ABCC8: variants seen among roughly 807,000 people sequenced by gnomAD.
ABCC8 encodes the protein ATP-binding cassette sub-family C member 8.
A neutral mutation model predicts 188.0 loss-of-function variants in ABCC8; 137 were observed. The ratio of observed to expected loss-of-function variants is 0.73; its 90% CI spans 0.63 to 0.84. The LOEUF (loss-of-function observed/expected upper bound fraction) is 0.84. Among genes scored for constraint, ABCC8 ranks in the 40% least tolerant of loss-of-function variants. The pLI, the probability that ABCC8 is intolerant of heterozygous loss-of-function variation, is 0.00. For missense variants in ABCC8, 1,750 were observed against 2,072.7 expected, an observed-to-expected ratio of 0.84 and a Z score of 3.02; for synonymous variants, 797 against 846.5, an observed-to-expected ratio of 0.94 and a Z score of 1.01.
At chr11:17,426,486 G>A (rs558338859) in intron 16 of ABCC8, among the ~76,000 whole-genome samples, 7 of 152,190 alleles carry the variant, frequency 4.6e-5, no homozygotes, top group East Asian at 3.8e-4. Flanking sequence ...TAACAGATTC[G>A]TGATTGACTG....
At chr11:17,473,203 C>T (rs1158279236) in intron 2 of ABCC8, among the ~76,000 whole-genome samples, 1 of 152,048 alleles carries the variant, frequency 6.6e-6, no homozygotes, top group African/African-American at 2.4e-5. Flanking sequence ...TTCTCTGTCA[C>T]CATCTGGTGA....
At chr11:17,432,283 C>T (rs1955884089) in intron 10 of ABCC8, 39 bp from the exon 11 acceptor site, 15 of 1,551,718 alleles carry the variant, frequency 9.7e-6, no homozygotes, top group Non-Finnish European at 1.2e-5. Context: ...GTGGGAGGAG[C>T]GTGACAGCTA....
intron 33 of ABCC8, chr11:17,396,669 C>A (rs1168620165): frequency 3.7e-6 from 2 of 547,444 alleles, no homozygotes; most frequent in South Asian, 2.0e-5. Flanking sequence ...CTGGGGGAGT[C>A]CAGAGTGTCG....
intron 8 of ABCC8, among the ~76,000 whole-genome samples, chr11:17,443,802 A>AT (rs1454438351): frequency 6.6e-6 from 1 of 152,100 alleles, no homozygotes; most frequent in Admixed American, 6.5e-5. Flanking sequence ...GGTTTCTTTA[A>AT]TTTTTTTAAT....
chr11:17,410,718 G>A (rs1954769237), intron 21 of ABCC8, 65 bp from the exon 22 acceptor site: 1 of 1,608,624 alleles, frequency 6.2e-7, no homozygotes, highest in Non-Finnish European at 8.5e-7. Context: ...GGGTGACAAT[G>A]AGTATAAAAC....
chr11:17,456,407 A>G (rs961540765), intron 6 of ABCC8, among the ~76,000 whole-genome samples: 3 of 152,170 alleles, frequency 2.0e-5, no homozygotes, highest in Non-Finnish European at 4.4e-5. Context: ...TCCCGACTCT[A>G]CAGTTTGGAG....
intron 16 of ABCC8, among the ~76,000 whole-genome samples, chr11:17,419,278 C>G (rs780556377): frequency 2.0e-5 from 3 of 152,216 alleles, no homozygotes; most frequent in Non-Finnish European, 4.4e-5. Flanking sequence ...AAGCACACAG[C>G]TGAAAGCATG....
intron 1 of ABCC8, among the ~76,000 whole-genome samples, chr11:17,476,116 A>G (rs1848756152): frequency 6.6e-6 from 1 of 152,134 alleles, no homozygotes; most frequent in South Asian, 2.1e-4. Context: ...TGGGACTGTC[A>G]GAGATCACGG....
chr11:17,469,649 G>A (rs982086948), intron 3 of ABCC8, among the ~76,000 whole-genome samples: 3 of 151,966 alleles, frequency 2.0e-5, no homozygotes, highest in African/African-American at 7.3e-5. Flanking sequence ...CTCCTCTCCT[G>A]ACGCCTGCCC....
At position 17,463,581 on chromosome 11, in the gene ABCC8, C is replaced by T. The variant is rs1429811029; in HGVS notation, c.436G>A (p.Ala146Thr). 1 of 1,587,112 alleles carries T rather than the reference C, an allele frequency of 6.3e-7. No homozygotes were observed. Among genetic ancestry groups the T allele is most frequent in the Non-Finnish European group, 8.6e-7 (1 of 1,166,288 alleles). ...AACTTGATGGTCTTGGTGATGAAGG[C>T]CAGGGTCCAATACACCAGCAGGGCT... ...LIALLVYWTL[A>T]FITKTIKFVK... The change falls in exon 4 of 39, where the codon GCC (alanine) becomes ACC (threonine). Residue 146 changes from alanine (A) to threonine (T), a missense_variant. By Grantham distance (58) the Ala-to-Thr change is moderately conservative. Transcript: ENST00000389817.
At chr11:17,450,310 CTT>C (rs1477416531) in intron 7 of ABCC8, among the ~76,000 whole-genome samples, 146 of 125,734 alleles carry the variant, frequency 1.2e-3, no homozygotes, top group African/African-American at 4.7e-3. Context: ...TTCTTTCTTT[CTT>C]TCTTTCTTTC....
At chr11:17,444,763 G>A (rs1956459527) in intron 8 of ABCC8, among the ~76,000 whole-genome samples, 1 of 152,202 alleles carries the variant, frequency 6.6e-6, no homozygotes, top group Admixed American at 6.5e-5. Flanking sequence ...GGAGTCTGTG[G>A]CCCTGAGTTT....
intron 1 of ABCC8, among the ~76,000 whole-genome samples, chr11:17,476,086 C>T (rs1158333318): frequency 6.6e-6 from 1 of 152,240 alleles, no homozygotes; most frequent in East Asian, 1.9e-4. Flanking sequence ...TCTCGCCTCT[C>T]CTCGCCCAGG....
At chr11:17,434,484 C>G (rs1178683068) in intron 10 of ABCC8, among the ~76,000 whole-genome samples, 3 of 152,134 alleles carry the variant, frequency 2.0e-5, no homozygotes, top group African/African-American at 7.2e-5. Context: ...GCAGCTAACA[C>G]AAAATTCAAT....
rs1054287179 is a variant in ABCC8, at chr11:17,407,428, G to A, written c.2846C>T (p.Thr949Ile). Residue 949 changes from threonine to isoleucine, a missense_variant, in exon 24 of 39, where the codon ACA (threonine) becomes ATA (isoleucine). By Grantham distance (89) the Thr-to-Ile change is moderately conservative. Transcript: ENST00000389817. ...ACGAGATAGGCCCTGGGGTGGCTCTGTGGCTTTTCTCTCTGTGACAGTCTC... is the reference window on the plus strand; with the variant it reads ...ACGAGATAGGCCCTGGGGTGGCTCTATGGCTTTTCTCTCTGTGACAGTCTC... ...EKETVTERKA[T>I]EPPQGLSRAM... 5 of 1,614,084 alleles carry A rather than the reference G, an allele frequency of 3.1e-6. No individual in the cohort carries two copies. Among genetic ancestry groups the A allele is most frequent in the Non-Finnish European group, 4.2e-6 (5 of 1,180,048 alleles).
At chr11:17,396,323 C>T (rs145916003) in intron 33 of ABCC8, 23 of 366,000 alleles carry the variant, frequency 6.3e-5, no homozygotes, top group Middle Eastern at 9.2e-4. Flanking sequence ...ACAATGGAGC[C>T]ACCTCTGATC....
At chr11:17,461,909 T>G in intron 4 of ABCC8, 84 bp from the exon 5 acceptor site, 1 of 1,592,508 alleles carries the variant, frequency 6.3e-7, no homozygotes, top group Non-Finnish European at 8.5e-7. Context: ...TCTGGGGTTG[T>G]GATATTCCAC....
intron 6 of ABCC8, among the ~76,000 whole-genome samples, chr11:17,457,797 T>A (rs778170441): frequency 2.0e-5 from 3 of 152,184 alleles, no homozygotes; most frequent in Non-Finnish European, 4.4e-5. Context: ...TCTTGCCAAC[T>A]CTGAGTATCT....
intron 11 of ABCC8, 198 bp from the exon 12 acceptor site, chr11:17,431,157 T>C: frequency 1.2e-6 from 1 of 849,484 alleles, no homozygotes; most frequent in Non-Finnish European, 1.8e-6. Context: ...GACTTCAAGC[T>C]GGAGAGCAGG....
Sources: allele counts gnomAD v4.1 joint callset (sites outside exome capture counted in the v4.1 genomes callset), GRCh38; gene constraint gnomAD v4.1.1; transcripts MANE v1.5; gene names NCBI Gene and HGNC (gene_info 2026-07-23, HGNC 2026-07-21).